Variants in PIWIL2 observed in about 807,000 individuals in gnomAD.
The protein encoded by PIWIL2 is piwi-like protein 2.
A neutral mutation model predicts 116.5 loss-of-function variants in PIWIL2; 81 were observed. That is an observed-to-expected ratio of 0.70 (90% CI 0.58 to 0.84). PIWIL2 has a LOEUF of 0.84. PIWIL2 is among the 40% of genes least tolerant of loss of function. The pLI, the probability that PIWIL2 is intolerant of heterozygous loss-of-function variation, is 0.00. For missense variants in PIWIL2, 1,272 were observed against 1,212.3 expected (o/e 1.05, Z -0.73); for synonymous variants, 489 against 429.5 (o/e 1.14, Z -1.71).
At chr8:22,332,770 A>G (rs1414053015) in intron 20 of PIWIL2, among the ~76,000 whole-genome samples, 3 of 152,140 alleles carry the variant, frequency 2.0e-5, no homozygotes, top group African/African-American at 7.2e-5. Context: ...GAAGGTGAAA[A>G]AAGACATTGC....
At position 22,304,938 on chromosome 8, in the gene PIWIL2, T is replaced by C. The variant is rs755464301; in HGVS notation, c.1455+70T>C. The C allele has an allele frequency of 1.1e-5, 12 of 1,055,048 alleles. No homozygotes were observed. The African/African-American group carries it at 1.7e-4, about 15-fold the overall frequency. 65.4% of individuals were successfully genotyped at this position (1,055,048 alleles called of 1,614,324 possible). A position where few individuals can be genotyped will look rare whatever the true frequency, so the allele number is the denominator to read the frequency against. On this transcript the variant is annotated intron_variant, in intron 12 of 22. Coordinates refer to ENST00000356766, the MANE Select transcript of PIWIL2 (RefSeq NM_018068.5). ...TCCTGTCAGCTGCTTTTAGCCGTCC[T>C]CATGGCTTTGTGGGAGCTGTGGAGT...
chr8:22,281,965 G>A (rs1207390291), intron 4 of PIWIL2, among the ~76,000 whole-genome samples: 2 of 150,766 alleles, frequency 1.3e-5, no homozygotes, highest in Admixed American at 6.6e-5. Flanking sequence ...TAGAGACGAG[G>A]TTTCACTGTG....
Position 22,315,143 on chromosome 8 carries a change from C to A in PIWIL2, c.2206C>A (p.Leu736Met). The part of the protein sequence containing the change: ...GGELWGVDIP[L>M]KQLMVIGMDV... Reference sequence around the variant, plus strand: ...TGAGCTCTGGGGAGTGGATATTCCTCTGGTGAGTGATGCCGAGATGGTTCA... The same window carrying A: ...TGAGCTCTGGGGAGTGGATATTCCTATGGTGAGTGATGCCGAGATGGTTCA... Residue 736 changes from leucine (L) to methionine (M), a missense_variant and splice_region_variant, in exon 18 of 23, where the codon CTG becomes ATG. Transcript: ENST00000356766. The A allele has an allele frequency of 6.7e-7, 1 of 1,499,570 alleles. No homozygotes were observed. The highest frequency in any genetic ancestry group is 9.3e-7 in the Non-Finnish European group (1 of 1,075,510). 92.9% of individuals were successfully genotyped at this position (1,499,570 alleles called of 1,614,324 possible). A position where few individuals can be genotyped will look rare whatever the true frequency, so the allele number is the denominator to read the frequency against.
At chr8:22,329,705 A>G (rs1563409413) in intron 20 of PIWIL2, among the ~76,000 whole-genome samples, 1 of 152,236 alleles carries the variant, frequency 6.6e-6, no homozygotes, top group Non-Finnish European at 1.5e-5. Flanking sequence ...AATAGTATAT[A>G]GAAACTTTGT....
At chr8:22,305,439 G>A (rs1267351902) in intron 12 of PIWIL2, among the ~76,000 whole-genome samples, 3 of 152,018 alleles carry the variant, frequency 2.0e-5, no homozygotes, top group South Asian at 2.1e-4. Context: ...TGATTTGCCC[G>A]CCTCGGCCTC....
chr8:22,285,128 C>T (rs779311168), intron 6 of PIWIL2, among the ~76,000 whole-genome samples: 19 of 152,136 alleles, frequency 1.2e-4, no homozygotes, highest in African/African-American at 1.7e-4. Flanking sequence ...TTGAAATACA[C>T]GCTGTTGTTA....
At chr8:22,323,603 A>G (rs1252307629) in intron 20 of PIWIL2, among the ~76,000 whole-genome samples, 1 of 152,150 alleles carries the variant, frequency 6.6e-6, no homozygotes, top group Non-Finnish European at 1.5e-5. Flanking sequence ...TTGATTATTA[A>G]TATCAGCATC....
chr8:22,305,845 C>A (rs1163900447), intron 12 of PIWIL2, 82 bp from the exon 13 acceptor site: 3 of 957,558 alleles, frequency 3.1e-6, no homozygotes, highest in Non-Finnish European at 5.1e-6. Context: ...CAGGAGCAGC[C>A]CTGGCCATGA....
chr8:22,298,279 T>C (rs1452577469), intron 10 of PIWIL2, among the ~76,000 whole-genome samples: 1 of 150,784 alleles, frequency 6.6e-6, no homozygotes, highest in Non-Finnish European at 1.5e-5. Flanking sequence ...AAAAGGATAA[T>C]GGCAAAAATA....
chr8:22,334,246 A>T (rs1831927929), intron 20 of PIWIL2, among the ~76,000 whole-genome samples: 1 of 151,994 alleles, frequency 6.6e-6, no homozygotes, highest in Non-Finnish European at 1.5e-5. Context: ...AAGTGCTGGA[A>T]TTACAGGCGT....
At chr8:22,334,338 A>G (rs185255232) in intron 20 of PIWIL2, among the ~76,000 whole-genome samples, 1 of 151,674 alleles carries the variant, frequency 6.6e-6, no homozygotes, top group Admixed American at 6.6e-5. Context: ...GCTCACACCT[A>G]TAGTGAAATC....
intron 5 of PIWIL2, among the ~76,000 whole-genome samples, chr8:22,283,537 T>A (rs748862045): frequency 2.0e-5 from 3 of 152,194 alleles, no homozygotes; most frequent in Non-Finnish European, 2.9e-5. Flanking sequence ...ACCTCCCAAG[T>A]AGTTGGGATT....
chr8:22,281,010 T>C lies in PIWIL2; in HGVS notation c.199-110T>C, dbSNP rs531154121. 3.1e-5 allele frequency: 20 copies of C among 644,302 alleles called. No individual in the cohort carries two copies. The African/African-American group carries it at 3.6e-4, about 11-fold the overall frequency. 39.9% of individuals were successfully genotyped at this position (644,302 alleles called of 1,614,324 possible). A position where few individuals can be genotyped will look rare whatever the true frequency, so the allele number is the denominator to read the frequency against. On this transcript the variant is annotated intron_variant, in intron 2 of 22. Coordinates refer to ENST00000356766, the MANE Select transcript of PIWIL2 (RefSeq NM_018068.5). ...TATAAAATGTTTCCCTTTATTCTTA[T>C]AACATGTATAGAATTTGAAGATGAT...
rs555304393 is a variant in PIWIL2, at chr8:22,288,417, G to T, written c.862-125G>T. ...TGCTAGTGTGGGCAACAAAGTGAGG[G>T]GAAAAGTAGAAAAATGTTTTAAGAT... On this transcript the variant is annotated intron_variant, in intron 7 of 22. Coordinates refer to ENST00000356766, the MANE Select transcript of PIWIL2 (RefSeq NM_018068.5). The T allele has an allele frequency of 1.8e-5, 11 of 619,886 alleles. No individual in the cohort carries two copies. The East Asian group carries it at 2.9e-4, about 16-fold the overall frequency. 38.4% of individuals were successfully genotyped at this position (619,886 alleles called of 1,614,324 possible). A position where few individuals can be genotyped will look rare whatever the true frequency, so the allele number is the denominator to read the frequency against.
intron 10 of PIWIL2, among the ~76,000 whole-genome samples, chr8:22,296,365 G>GA (rs1238154511): frequency 2.0e-5 from 3 of 152,058 alleles, no homozygotes; most frequent in African/African-American, 7.2e-5. Flanking sequence ...TTCTTAAGGG[G>GA]AATCTCCTGT....
chr8:22,314,738 T>C (rs989599105), intron 17 of PIWIL2, among the ~76,000 whole-genome samples: 1 of 152,132 alleles, frequency 6.6e-6, no homozygotes, highest in Non-Finnish European at 1.5e-5. Context: ...ATTTTTCCTA[T>C]GGGAGTTAAA....
intron 20 of PIWIL2, among the ~76,000 whole-genome samples, chr8:22,327,280 G>A (rs1163211344): frequency 2.7e-5 from 4 of 150,926 alleles, no homozygotes; most frequent in Admixed American, 6.6e-5. Flanking sequence ...CAGGTGATCC[G>A]CCCAGCTCAG....
intron 1 of PIWIL2, 86 bp from the exon 2 acceptor site, chr8:22,279,255 C>G (rs1830445092): frequency 4.2e-6 from 3 of 720,374 alleles, no homozygotes; most frequent in Non-Finnish European, 7.3e-6. Context: ...TGGACTGACT[C>G]AAAATACTAT....
intron 4 of PIWIL2, among the ~76,000 whole-genome samples, chr8:22,282,242 G>A (rs1314819931): frequency 1.7e-5 from 2 of 117,016 alleles, no homozygotes; most frequent in African/African-American, 3.1e-5. Flanking sequence ...CACCACACCC[G>A]GCTTTTTTTT....
Sources: allele counts gnomAD v4.1 joint callset (sites outside exome capture counted in the v4.1 genomes callset), GRCh38; gene constraint gnomAD v4.1.1; transcripts MANE v1.5; gene names NCBI Gene and HGNC (gene_info 2026-07-23, HGNC 2026-07-21).